The following SLTM variants were observed in gnomAD, a reference collection of about 807,000 sequenced individuals.
The protein encoded by SLTM is SAFB-like transcription modulator.
In SLTM, 43 loss-of-function variants were observed where a neutral mutation model predicts 134.6. The ratio of observed to expected loss-of-function variants is 0.32; its 90% CI spans 0.25 to 0.41. The LOEUF (loss-of-function observed/expected upper bound fraction) is 0.41. SLTM is among the 10% of genes least tolerant of loss of function. The probability of loss-of-function intolerance (pLI) is 1.00; values close to 1 mark genes in which losing one functional copy is unlikely to be tolerated. For missense variants in SLTM, 1,055 were observed against 1,288.8 expected, an observed-to-expected ratio of 0.82 and a Z score of 2.78; for synonymous variants, 424 against 432.3, an observed-to-expected ratio of 0.98 and a Z score of 0.24.
chr15:58,889,293 T>A, intron 16 of SLTM, 137 bp downstream of exon 16: 5 of 1,119,572 alleles, frequency 4.5e-6, no homozygotes, highest in Non-Finnish European at 6.3e-6. Context: ...TCTACCCCAG[T>A]ACTGTAATCC....
intron 2 of SLTM, among the ~76,000 whole-genome samples, chr15:58,917,781 A>G (rs1224969407): frequency 1.3e-5 from 2 of 151,972 alleles, no homozygotes; most frequent in Admixed American, 6.6e-5. Flanking sequence ...ACAGAGTCGC[A>G]CTCTGTCGCC....
chr15:58,888,326 A>G (rs1454642393), intron 17 of SLTM, 59 bp downstream of exon 17: 2 of 1,435,636 alleles, frequency 1.4e-6, no homozygotes, highest in African/African-American at 2.9e-5. Context: ...TTTTAGGAGA[A>G]ACAGAGTTAT....
At chr15:58,931,135 T>C (rs915466446) in intron 2 of SLTM, among the ~76,000 whole-genome samples, 1 of 152,198 alleles carries the variant, frequency 6.6e-6, no homozygotes, top group Non-Finnish European at 1.5e-5. Flanking sequence ...GTTGGCAGTC[T>C]TCTCATGACA....
intron 5 of SLTM, among the ~76,000 whole-genome samples, chr15:58,903,934 A>T (rs1457137373): frequency 2.6e-5 from 4 of 152,240 alleles, no homozygotes; most frequent in African/African-American, 9.6e-5. Flanking sequence ...AATATTTTAC[A>T]ATGTGCTCAA....
chr15:58,912,256 C>A (rs1477969138), intron 5 of SLTM, among the ~76,000 whole-genome samples: 5 of 151,970 alleles, frequency 3.3e-5, no homozygotes, highest in African/African-American at 1.2e-4. Flanking sequence ...CCCGCCACCA[C>A]GCCTAGCTAA....
chr15:58,932,524 A>G (rs1378701111), intron 1 of SLTM, 81 bp from the exon 2 acceptor site: 1 of 1,051,880 alleles, frequency 9.5e-7, no homozygotes, highest in Non-Finnish European at 1.4e-6. Flanking sequence ...AAAATTTAGC[A>G]AACCTCAAGC....
intron 5 of SLTM, among the ~76,000 whole-genome samples, chr15:58,904,741 C>T (rs752592718): frequency 3.3e-5 from 5 of 151,496 alleles, no homozygotes; most frequent in Non-Finnish European, 5.9e-5. Flanking sequence ...GACTGAGTGT[C>T]GCTCTGCTTC....
At chr15:58,932,104 C>G (rs1330376877) in intron 2 of SLTM, 2 of 382,498 alleles carry the variant, frequency 5.2e-6, no homozygotes, top group Non-Finnish European at 9.8e-6. Context: ...CATTACACAA[C>G]TTGACTTTGT....
intron 5 of SLTM, 106 bp downstream of exon 5, chr15:58,912,457 T>C (rs1229974756): frequency 1.5e-5 from 16 of 1,046,766 alleles, no homozygotes; most frequent in Non-Finnish European, 2.4e-5. Context: ...CAGTATTAAA[T>C]TTAAGACAGT....
chr15:58,914,289 A>T (rs2036480639), intron 3 of SLTM, among the ~76,000 whole-genome samples: 1 of 152,254 alleles, frequency 6.6e-6, no homozygotes, highest in Non-Finnish European at 1.5e-5. Context: ...CAAAATCAGC[A>T]ATCTGCTTAA....
chr15:58,928,965 T>G (rs980686047), intron 2 of SLTM, among the ~76,000 whole-genome samples: 10 of 152,224 alleles, frequency 6.6e-5, no homozygotes, highest in Middle Eastern at 3.2e-3. Flanking sequence ...CATTTTCTTC[T>G]CATTTTTGTC....
chr15:58,924,948 G>A (rs1054506762), intron 2 of SLTM, among the ~76,000 whole-genome samples: 1 of 151,998 alleles, frequency 6.6e-6, no homozygotes, highest in Non-Finnish European at 1.5e-5. Context: ...GCCTCCCAAA[G>A]TGCTGGGATT....
In SLTM at chr15:58,929,880, T is replaced by G. The variant is rs189134494; in HGVS notation, c.250+2476A>C. Reference sequence around the variant, plus strand: ...TGGAATTTGAGACAAGAGCATTCTTTAATAAGTAAACTGGGTTCAAAATCT... The same window carrying G: ...TGGAATTTGAGACAAGAGCATTCTTGAATAAGTAAACTGGGTTCAAAATCT... On this transcript the variant is annotated intron_variant, in intron 2 of 20. Transcript: ENST00000380516. Among the ~76,000 whole-genome samples the G allele has an allele frequency of 1.5e-3, 235 of 152,270 alleles. 1 individual carries two copies. The highest frequency in any genetic ancestry group is 3.4e-3 in the Middle Eastern group (1 of 294).
At chr15:58,884,099 C>CAA (rs751356628) in intron 19 of SLTM, among the ~76,000 whole-genome samples, 3 of 115,086 alleles carry the variant, frequency 2.6e-5, no homozygotes, top group Admixed American at 9.1e-5. Flanking sequence ...AACCCCATCT[C>CAA]AAAAAAAAAA....
intron 15 of SLTM, 58 bp downstream of exon 15, chr15:58,890,223 A>C (rs1017968878): frequency 2.4e-5 from 38 of 1,590,314 alleles, no homozygotes; most frequent in African/African-American, 2.7e-5. Context: ...TTTAGGGCTA[A>C]AATCACAGAG....
At chr15:58,925,073 TAAA>T (rs61197202) in intron 2 of SLTM, among the ~76,000 whole-genome samples, 17 of 124,966 alleles carry the variant, frequency 1.4e-4, no homozygotes, top group African/African-American at 5.2e-4. Flanking sequence ...GATAAAATGT[TAAA>T]AAAAAAAAAA....
At chr15:58,888,821 C>T (rs752180546) in intron 16 of SLTM, 20 of 302,978 alleles carry the variant, frequency 6.6e-5, no homozygotes, top group Non-Finnish European at 1.2e-4. Context: ...ATTTAGCATT[C>T]AGGAGAAATG....
At chr15:58,880,182 T>TC in intron 20 of SLTM, 75 bp from the exon 21 acceptor site, 1 of 1,531,012 alleles carries the variant, frequency 6.5e-7, no homozygotes, top group East Asian at 2.4e-5. Flanking sequence ...GGCACTGTTC[T>TC]TGGTACTTTA....
intron 2 of SLTM, among the ~76,000 whole-genome samples, chr15:58,921,253 T>C (rs1469187659): frequency 6.6e-6 from 1 of 152,216 alleles, no homozygotes; most frequent in African/African-American, 2.4e-5. Context: ...AAAGAGACAC[T>C]AAGTCTGAAA....
Sources: allele counts gnomAD v4.1 joint callset (sites outside exome capture counted in the v4.1 genomes callset), GRCh38; gene constraint gnomAD v4.1.1; transcripts MANE v1.5; gene names NCBI Gene and HGNC (gene_info 2026-07-23, HGNC 2026-07-21).